The following CDH18 variants were observed in gnomAD, a reference collection of about 807,000 sequenced individuals.
CDH18 encodes the protein cadherin-18.
Under a neutral mutation model 67.9 loss-of-function variants are expected in CDH18, and 31 were observed. The observed-to-expected ratio is 0.46, with a 90% CI of 0.34 to 0.62. The LOEUF is 0.62. CDH18 is among the 20% of genes least tolerant of loss of function. The pLI is 0.01. For synonymous variants in CDH18, 362 were observed against 347.2 expected (o/e 1.04, Z -0.48); for missense variants, 890 against 975.5 (o/e 0.91, Z 1.17).
At chr5:20,561,953 G>A (rs1036029851) in intron 1 of CDH18, among the ~76,000 whole-genome samples, 35 of 151,670 alleles carry the variant, frequency 2.3e-4, no homozygotes, top group African/African-American at 8.0e-4. Flanking sequence ...CAATTATATG[G>A]TATTATGCTA....
chr5:20,560,830 G>A (rs951833661), intron 1 of CDH18, among the ~76,000 whole-genome samples: 5 of 151,940 alleles, frequency 3.3e-5, no homozygotes, highest in African/African-American at 1.2e-4. Context: ...ATTAGAAGAC[G>A]AGCCACAGAC....
At chr5:20,201,798 T>C (rs112283192) in intron 2 of CDH18, among the ~76,000 whole-genome samples, 24 of 152,234 alleles carry the variant, frequency 1.6e-4, no homozygotes, top group African/African-American at 5.5e-4. Flanking sequence ...AGAAGCACAT[T>C]CCATAGAAGA....
chr5:19,603,178 A>G (rs904450208), intron 6 of CDH18, among the ~76,000 whole-genome samples: 2 of 152,162 alleles, frequency 1.3e-5, no homozygotes, highest in Non-Finnish European at 2.9e-5. Context: ...ATTAATTATC[A>G]TTACAAAATA....
At chr5:19,785,675 AAAAAATATATATATATATATATAT>A (rs1775665733) in intron 3 of CDH18, among the ~76,000 whole-genome samples, 2 of 59,836 alleles carry the variant, frequency 3.3e-5, no homozygotes, top group Non-Finnish European at 6.1e-5. Context: ...AAAAAAAAAA[AAAAAATATATATATATATATATAT>A]ATATATATAT....
At chr5:20,441,937 G>T (rs1020747890) in intron 1 of CDH18, among the ~76,000 whole-genome samples, 3 of 151,968 alleles carry the variant, frequency 2.0e-5, no homozygotes, top group East Asian at 1.9e-4. Flanking sequence ...AATAAATAAG[G>T]TTCCTACATC....
chr5:19,907,684 C>T (rs73059670), intron 2 of CDH18, among the ~76,000 whole-genome samples: 235 of 151,920 alleles, frequency 1.5e-3, no homozygotes, highest in African/African-American at 5.4e-3. Context: ...TTTTTACTGA[C>T]TTTTTTTCAC....
At chr5:19,737,909 CTCAG>C (rs1426106928) in intron 4 of CDH18, among the ~76,000 whole-genome samples, 2 of 151,826 alleles carry the variant, frequency 1.3e-5, no homozygotes, top group African/African-American at 2.4e-5. Context: ...ATTCTATTTC[CTCAG>C]TAAGAAAGAA....
At chr5:19,536,751 T>G (rs1749480339) in intron 9 of CDH18, among the ~76,000 whole-genome samples, 1 of 152,174 alleles carries the variant, frequency 6.6e-6, no homozygotes, top group African/African-American at 2.4e-5. Flanking sequence ...ACAGAGTGTC[T>G]GATTCACTAG....
At chr5:20,183,280 C>T (rs976320419) in intron 2 of CDH18, among the ~76,000 whole-genome samples, 8 of 151,900 alleles carry the variant, frequency 5.3e-5, no homozygotes, top group Admixed American at 2.6e-4. Context: ...TACACAGAAC[C>T]GCTTTTTAAA....
At chr5:19,492,007 C>G in intron 11 of CDH18, among the ~76,000 whole-genome samples, 1 of 151,028 alleles carries the variant, frequency 6.6e-6, no homozygotes. Context: ...AAAACACATA[C>G]AAAAAAAGAG....
chr5:19,853,760 C>T (rs1783968048), intron 2 of CDH18, among the ~76,000 whole-genome samples: 2 of 151,998 alleles, frequency 1.3e-5, no homozygotes, highest in Non-Finnish European at 2.9e-5. Context: ...CCAGAGGAGG[C>T]AAGATTGCAC....
chr5:19,563,976 C>A (rs575326958), intron 8 of CDH18, among the ~76,000 whole-genome samples: 137 of 152,098 alleles, frequency 9.0e-4, no homozygotes, highest in Non-Finnish European at 1.7e-3. Context: ...CTTGTTATGG[C>A]AGAAAGCAAA....
At chr5:19,507,879 C>T (rs1744463746) in intron 10 of CDH18, among the ~76,000 whole-genome samples, 1 of 152,038 alleles carries the variant, frequency 6.6e-6, no homozygotes, top group Admixed American at 6.6e-5. Context: ...ACGTTGTGCA[C>T]ATGTACCCTA....
intron 1 of CDH18, among the ~76,000 whole-genome samples, chr5:20,546,525 A>G (rs2126606681): frequency 6.6e-6 from 1 of 152,270 alleles, no homozygotes; most frequent in African/African-American, 2.4e-5. Context: ...GAAGTAAAGC[A>G]CATCTTATGT....
intron 1 of CDH18, among the ~76,000 whole-genome samples, chr5:20,518,090 T>G (rs897882442): frequency 6.6e-6 from 1 of 152,030 alleles, no homozygotes; most frequent in Non-Finnish European, 1.5e-5. Context: ...GGGGAAATGT[T>G]CCAGTAAGAA....
intron 1 of CDH18, chr5:20,304,539 G>C: frequency 2.5e-6 from 4 of 1,610,502 alleles, no homozygotes; most frequent in South Asian, 1.1e-5. Flanking sequence ...TAATATCTTT[G>C]CCAAATAAAC....
intron 2 of CDH18, among the ~76,000 whole-genome samples, chr5:20,148,611 C>CA (rs1305685675): frequency 6.6e-6 from 1 of 152,038 alleles, no homozygotes. Flanking sequence ...TCCAAAGCAC[C>CA]ATGTCTTCTG....
At chr5:20,355,377 C>T (rs1741528930) in intron 1 of CDH18, among the ~76,000 whole-genome samples, 1 of 152,224 alleles carries the variant, frequency 6.6e-6, no homozygotes, top group African/African-American at 2.4e-5. Context: ...CAAAATGTCA[C>T]ACTCATCTGG....
chr5:20,043,008 G>C (rs1242782732), intron 2 of CDH18, among the ~76,000 whole-genome samples: 4 of 151,830 alleles, frequency 2.6e-5, no homozygotes, highest in African/African-American at 9.7e-5. Flanking sequence ...AACATTTTAT[G>C]TGTTTGTTTT....
Sources: gnomAD v4.1 joint callset for allele counts (sites outside exome capture counted in the v4.1 genomes callset) on GRCh38, gnomAD v4.1.1 for gene constraint, MANE v1.5 for transcripts, NCBI Gene and HGNC (gene_info 2026-07-23, HGNC 2026-07-21) for gene names.